CEP85L: variants seen among roughly 807,000 people sequenced by gnomAD.
CEP85L encodes centrosomal protein 85L.
CEP85L carries 60 observed loss-of-function variants against 100.3 expected under a neutral mutation model. That is an observed-to-expected ratio of 0.60 (90% confidence interval 0.49 to 0.74). The LOEUF is 0.74. CEP85L is among the 30% of genes least tolerant of loss of function. The pLI, the probability that CEP85L is intolerant of heterozygous loss-of-function variation, is 0.00. For missense variants in CEP85L, 973 were observed against 936.2 expected (o/e 1.04, Z -0.51); for synonymous variants, 319 against 322.7 (o/e 0.99, Z 0.12).
intron 1 of CEP85L, among the ~76,000 whole-genome samples, chr6:118,648,158 G>A (rs1259866420): frequency 1.3e-5 from 2 of 152,302 alleles, no homozygotes; most frequent in African/African-American, 4.8e-5. Context: ...GGAGACTGAG[G>A]CACGAGAACC....
At chr6:118,519,198 G>A (rs1021093128) in intron 4 of CEP85L, among the ~76,000 whole-genome samples, 9 of 152,204 alleles carry the variant, frequency 5.9e-5, no homozygotes, top group African/African-American at 1.9e-4. Context: ...GCTCATGCCT[G>A]TAATCCCAGC....
Position 118,620,315 on chromosome 6 carries a change from G to A in CEP85L, c.232+12138C>T, listed in dbSNP as rs537248471. ...TGGTGACCTTGGTGTTCTATAAAAT[G>A]GACCGAGAGGAACAGGCCAAAAGGG... On this transcript the variant is annotated intron_variant, in intron 2 of 12. Coordinates refer to ENST00000368491, the MANE Select transcript of CEP85L (RefSeq NM_001042475.3). Among the ~76,000 whole-genome samples, 7 of 152,248 alleles carry A rather than the reference G, an allele frequency of 4.6e-5. No homozygotes were observed. The South Asian group carries it at 1.5e-3, about 32-fold the overall frequency.
At chr6:118,603,996 T>C (rs988910510) in intron 2 of CEP85L, among the ~76,000 whole-genome samples, 1 of 152,238 alleles carries the variant, frequency 6.6e-6, no homozygotes, top group Non-Finnish European at 1.5e-5. Context: ...TTAAGTCGTA[T>C]TAGAATTATA....
chr6:118,671,719 C>T (rs1470333646), intron 1 of CEP85L, among the ~76,000 whole-genome samples: 1 of 152,136 alleles, frequency 6.6e-6, no homozygotes, highest in Non-Finnish European at 1.5e-5. Context: ...GGGTGGATCA[C>T]TTGAGGTCAG....
intron 2 of CEP85L, among the ~76,000 whole-genome samples, chr6:118,626,214 G>A (rs1773783517): frequency 6.6e-6 from 1 of 152,128 alleles, no homozygotes; most frequent in Admixed American, 6.5e-5. Context: ...AAATAATACT[G>A]AGGATATATG....
chr6:118,625,296 TTCTC>T (rs373590879), intron 2 of CEP85L, among the ~76,000 whole-genome samples: 19 of 152,312 alleles, frequency 1.2e-4, no homozygotes, highest in African/African-American at 4.6e-4. Flanking sequence ...GAGTTATGCT[TTCTC>T]TCATTTCTAG....
upstream of CEP85L, chr6:118,652,296 C>T (rs1398690139): frequency 3.1e-6 from 2 of 652,658 alleles, no homozygotes; most frequent in East Asian, 1.4e-4. Flanking sequence ...CCTTCACGTT[C>T]TTCCTCTTCT....
At chr6:118,698,538 G>GAAA (rs5879467) in intron 1 of CEP85L, among the ~76,000 whole-genome samples, 1 of 142,570 alleles carries the variant, frequency 7.0e-6, no homozygotes. Flanking sequence ...TGCTGAAGCA[G>GAAA]AAAAAAAAAA....
chr6:118,639,695 G>A (rs1219408241), intron 1 of CEP85L, among the ~76,000 whole-genome samples: 5 of 152,160 alleles, frequency 3.3e-5, no homozygotes, highest in Non-Finnish European at 1.5e-5. Flanking sequence ...TGTGAAAAAT[G>A]AAAGGCAACT....
intron 1 of CEP85L, among the ~76,000 whole-genome samples, chr6:118,697,871 A>G (rs943085779): frequency 2.0e-5 from 3 of 152,198 alleles, no homozygotes; most frequent in Non-Finnish European, 4.4e-5. Context: ...TGGGCCCAGT[A>G]TTAAGCCAAG....
At chr6:118,467,585 G>T (rs1232805765) in intron 12 of CEP85L, among the ~76,000 whole-genome samples, 1 of 152,142 alleles carries the variant, frequency 6.6e-6, no homozygotes, top group African/African-American at 2.4e-5. Context: ...AGGAGTATTG[G>T]GAGGTGGGCG....
At chr6:118,603,691 C>T (rs934031002) in intron 2 of CEP85L, among the ~76,000 whole-genome samples, 4 of 152,196 alleles carry the variant, frequency 2.6e-5, no homozygotes, top group Non-Finnish European at 5.9e-5. Context: ...TAGTCCATGT[C>T]GTTATCTTCT....
intron 4 of CEP85L, among the ~76,000 whole-genome samples, chr6:118,514,771 A>C (rs1362400392): frequency 1.3e-5 from 2 of 152,098 alleles, no homozygotes; most frequent in East Asian, 3.8e-4. Flanking sequence ...AAAGAGAGCC[A>C]GAGTAACTAT....
chr6:118,551,295 T>G (rs1249902395), intron 3 of CEP85L, among the ~76,000 whole-genome samples: 1 of 151,684 alleles, frequency 6.6e-6, no homozygotes, highest in Non-Finnish European at 1.5e-5. Context: ...TTTGAAAAGG[T>G]ACTCCATCTT....
chr6:118,490,332 T>C (rs147286222), intron 6 of CEP85L, among the ~76,000 whole-genome samples: 22 of 152,358 alleles, frequency 1.4e-4, no homozygotes, highest in African/African-American at 5.0e-4. Context: ...CATCTTGTAT[T>C]AAATGTTCTT....
At position 118,479,868 on chromosome 6, in the gene CEP85L, T is replaced by C; in HGVS notation, c.1914+3A>G. The C allele has an allele frequency of 6.8e-7, 1 of 1,474,650 alleles. No individual in the cohort carries two copies. The highest frequency in any genetic ancestry group is 1.2e-5 in the South Asian group (1 of 80,612). 91.3% of individuals were successfully genotyped at this position (1,474,650 alleles called of 1,614,324 possible). A position where few individuals can be genotyped will look rare whatever the true frequency, so the allele number is the denominator to read the frequency against. On this transcript the variant is annotated splice_donor_region_variant and intron_variant, in intron 10 of 12. Transcript: ENST00000368491. ...ATTAAAATAAGCACAAAATATTCCT[T>C]ACCTGAATTTCTAAAATCATTCTGT...
chr6:118,703,620 T>A (rs572350836), intron 1 of CEP85L, among the ~76,000 whole-genome samples: 131 of 152,332 alleles, frequency 8.6e-4, no homozygotes, highest in African/African-American at 3.0e-3. Context: ...ACTTCACGCA[T>A]CCCTGTAAAA....
chr6:118,658,666 T>C (rs977078013), intron 1 of CEP85L, among the ~76,000 whole-genome samples: 2 of 152,150 alleles, frequency 1.3e-5, no homozygotes, highest in African/African-American at 4.8e-5. Flanking sequence ...TACGAAATTA[T>C]GATTGTAAAT....
intron 2 of CEP85L, among the ~76,000 whole-genome samples, chr6:118,571,001 T>A (rs1004458924): frequency 6.6e-6 from 1 of 151,950 alleles, no homozygotes; most frequent in Non-Finnish European, 1.5e-5. Flanking sequence ...ATAAGAGAAT[T>A]AAATATAAGA....
Sources: gnomAD v4.1 joint callset for allele counts (sites outside exome capture counted in the v4.1 genomes callset) on GRCh38, gnomAD v4.1.1 for gene constraint, MANE v1.5 for transcripts, NCBI Gene and HGNC (gene_info 2026-07-23, HGNC 2026-07-21) for gene names.